MITF: variants seen among roughly 807,000 people sequenced by gnomAD.
MITF encodes melanocyte inducing transcription factor, also known as microphthalmia-associated transcription factor.
In MITF, 17 loss-of-function variants were observed where a neutral mutation model predicts 60.5. The observed-to-expected ratio is 0.28, with a 90% CI of 0.19 to 0.42. The LOEUF (loss-of-function observed/expected upper bound fraction) is 0.42, where lower values mean the gene tolerates loss of function less well. Ranked by LOEUF, MITF falls within the 10% of genes least tolerant of loss-of-function variation. The probability of loss-of-function intolerance (pLI) is 1.00; values close to 1 mark genes in which losing one functional copy is unlikely to be tolerated. For synonymous variants in MITF, 260 were observed against 248.5 expected, an observed-to-expected ratio of 1.05 and a Z score of -0.43; for missense variants, 622 against 683.5, an observed-to-expected ratio of 0.91 and a Z score of 1.00.
At chr3:69,938,457 G>T in intron 3 of MITF, 1 of 1,481,492 alleles carries the variant, frequency 6.7e-7, no homozygotes, top group South Asian at 1.4e-5. Flanking sequence ...CGCTTGTTGT[G>T]AATGTCTGGA....
chr3:69,850,871 CT>C lies in MITF; in HGVS notation c.105-28262del, dbSNP rs2063813091. 2.6e-5 allele frequency among the ~76,000 whole-genome samples: 4 copies of C among 152,258 alleles called. No homozygotes were observed. In the South Asian group the frequency reaches 8.3e-4, roughly 32 times the overall value. ...AAATAAGTGCAGCTGTAGTTACCCCCTCTGCATAATCATCTAAGTAGCCTGT... is the reference window on the plus strand; with the variant it reads ...AAATAAGTGCAGCTGTAGTTACCCCCCTGCATAATCATCTAAGTAGCCTGT... On this transcript the variant is annotated intron_variant, in intron 1 of 9. Transcript: ENST00000352241.
intron 2 of MITF, among the ~76,000 whole-genome samples, chr3:69,916,012 G>A (rs546854213): frequency 6.6e-6 from 1 of 152,168 alleles, no homozygotes; most frequent in Non-Finnish European, 1.5e-5. Context: ...TTGCCAAATT[G>A]TTATTACAAT....
chr3:69,867,210 G>A (rs1324792115), intron 1 of MITF, among the ~76,000 whole-genome samples: 2 of 152,096 alleles, frequency 1.3e-5, no homozygotes, highest in African/African-American at 4.8e-5. Context: ...TCATGGGAGA[G>A]GTTCTGATTA....
chr3:69,852,955 G>A (rs1273564555), intron 1 of MITF, among the ~76,000 whole-genome samples: 1 of 152,108 alleles, frequency 6.6e-6, no homozygotes, highest in Non-Finnish European at 1.5e-5. Context: ...TAGAGAATAA[G>A]TTGTTTATAT....
At chr3:69,757,033 C>T (rs1336408291) in intron 1 of MITF, among the ~76,000 whole-genome samples, 2 of 151,876 alleles carry the variant, frequency 1.3e-5, no homozygotes, top group South Asian at 4.2e-4. Context: ...GGATATTAGA[C>T]CTTTGTTAGA....
At chr3:69,797,666 T>C (rs2062852788) in intron 1 of MITF, among the ~76,000 whole-genome samples, 1 of 152,220 alleles carries the variant, frequency 6.6e-6, no homozygotes, top group Admixed American at 6.5e-5. Flanking sequence ...TTTAAAATGC[T>C]GACACTTTCA....
At chr3:69,849,426 T>C in intron 1 of MITF, among the ~76,000 whole-genome samples, 1 of 152,216 alleles carries the variant, frequency 6.6e-6, no homozygotes, top group South Asian at 2.1e-4. Context: ...GCGGTGATGA[T>C]AATGTTTATT....
At chr3:69,836,890 C>G (rs146885279) in intron 1 of MITF, among the ~76,000 whole-genome samples, 4 of 152,256 alleles carry the variant, frequency 2.6e-5, no homozygotes, top group African/African-American at 9.6e-5. Context: ...GAGAAACAAA[C>G]CAGAGGCTGA....
At chr3:69,797,435 A>G (rs1461036022) in intron 1 of MITF, among the ~76,000 whole-genome samples, 1 of 152,158 alleles carries the variant, frequency 6.6e-6, no homozygotes, top group Non-Finnish European at 1.5e-5. Flanking sequence ...AAAGAAATGG[A>G]TTCTTTTGGC....
intron 1 of MITF, among the ~76,000 whole-genome samples, chr3:69,800,283 T>G (rs1351372792): frequency 6.6e-6 from 1 of 152,220 alleles, no homozygotes; most frequent in Non-Finnish European, 1.5e-5. Context: ...CTTTTTATGG[T>G]CATTCCTTTT....
rs1222714207 is a variant in MITF at position 69,865,554 on chromosome 3, G to A, written c.105-13580G>A. On this transcript the variant is annotated intron_variant, in intron 1 of 9. Transcript: ENST00000352241. ...CAATGTGTTCAGAATTAGATTGGAT[G>A]ACAGTCTTAAGAATACACAGTTTAT... 2.6e-5 allele frequency among the ~76,000 whole-genome samples: 4 copies of A among 152,214 alleles called. No individual in the cohort carries two copies. In the East Asian group the frequency reaches 7.7e-4, roughly 29 times the overall value.
chr3:69,841,949 G>A (rs1276885322), intron 1 of MITF, among the ~76,000 whole-genome samples: 1 of 152,144 alleles, frequency 6.6e-6, no homozygotes, highest in Non-Finnish European at 1.5e-5. Context: ...TTACCACAGT[G>A]GGCAAATACA....
intron 2 of MITF, among the ~76,000 whole-genome samples, chr3:69,928,932 G>C (rs183089995): frequency 1.5e-3 from 227 of 152,320 alleles, no homozygotes; most frequent in Admixed American, 2.9e-3. Context: ...TGCTAGATGA[G>C]AGCTGTAAGA....
In MITF at chr3:69,761,200, A is replaced by G. The variant is rs180842682; in HGVS notation, c.104+21499A>G. On this transcript the variant is annotated intron_variant, in intron 1 of 9. Coordinates refer to ENST00000352241, the MANE Select transcript of MITF (RefSeq NM_001354604.2). ...AATTAAAAAAAATTCTTTCTGTGTT[A>G]GAAAAGTGAAGAAACAGAAACATCA... Among the ~76,000 whole-genome samples, 238 of 152,318 alleles carry G rather than the reference A, an allele frequency of 1.6e-3. 1 individual carries two copies. Among genetic ancestry groups the G allele is most frequent in the Non-Finnish European group, 2.4e-3 (163 of 68,032 alleles).
At chr3:69,760,993 T>C (rs942564877) in intron 1 of MITF, among the ~76,000 whole-genome samples, 13 of 152,338 alleles carry the variant, frequency 8.5e-5, no homozygotes, top group Non-Finnish European at 1.3e-4. Flanking sequence ...TCAAGTTACA[T>C]AGCAGATAGA....
chr3:69,888,534 G>A (rs2064678783), intron 2 of MITF, among the ~76,000 whole-genome samples: 1 of 151,618 alleles, frequency 6.6e-6, no homozygotes, highest in Admixed American at 6.6e-5. Context: ...ATAAAATTGG[G>A]GATCAAGCCG....
intron 1 of MITF, among the ~76,000 whole-genome samples, chr3:69,802,997 G>A (rs1340260898): frequency 1.3e-5 from 2 of 151,928 alleles, no homozygotes; most frequent in South Asian, 2.1e-4. Context: ...GGCTGGTCTC[G>A]AACTCCCGAC....
chr3:69,922,599 C>A (rs1467395301), intron 2 of MITF, among the ~76,000 whole-genome samples: 1 of 152,166 alleles, frequency 6.6e-6, no homozygotes, highest in Non-Finnish European at 1.5e-5. Flanking sequence ...CTTGACATTT[C>A]TCTTCTTCCC....
intron 2 of MITF, among the ~76,000 whole-genome samples, chr3:69,931,156 A>C (rs1457435403): frequency 6.6e-6 from 1 of 152,206 alleles, no homozygotes; most frequent in Non-Finnish European, 1.5e-5. Context: ...AATGCATGGC[A>C]TCTGGTACAT....
Sources: gnomAD v4.1 joint callset for allele counts (sites outside exome capture counted in the v4.1 genomes callset) on GRCh38, gnomAD v4.1.1 for gene constraint, MANE v1.5 for transcripts, NCBI Gene and HGNC (gene_info 2026-07-23, HGNC 2026-07-21) for gene names.